Variants in WASL observed in about 807,000 individuals in gnomAD.
WASL encodes the protein actin nucleation-promoting factor WASL.
In WASL, 20 loss-of-function variants were observed where a neutral mutation model predicts 55.5. That is an observed-to-expected ratio of 0.36 (90% confidence interval 0.25 to 0.52). The LOEUF (loss-of-function observed/expected upper bound fraction) is 0.52. Ranked by LOEUF, WASL falls within the 20% of genes least tolerant of loss-of-function variation. The probability of loss-of-function intolerance (pLI) is 0.92; values close to 1 mark genes in which losing one functional copy is unlikely to be tolerated. For missense variants in WASL, 504 were observed against 622.5 expected (o/e 0.81, Z 2.03); for synonymous variants, 249 against 217.6 (o/e 1.14, Z -1.27).
chr7:123,711,092 T>C (rs927189069), intron 1 of WASL, among the ~76,000 whole-genome samples: 6 of 152,152 alleles, frequency 3.9e-5, no homozygotes, highest in Admixed American at 2.0e-4. Flanking sequence ...AAAATCTCCC[T>C]ACTTCGCTTT....
chr7:123,728,168 T>G (rs1804081747), intron 1 of WASL, among the ~76,000 whole-genome samples: 1 of 152,184 alleles, frequency 6.6e-6, no homozygotes, highest in African/African-American at 2.4e-5. Flanking sequence ...CAGAGCATTT[T>G]ACAGAATGAA....
chr7:123,727,270 A>G (rs1804062162), intron 1 of WASL, among the ~76,000 whole-genome samples: 1 of 152,104 alleles, frequency 6.6e-6, no homozygotes, highest in African/African-American at 2.4e-5. Context: ...ACTATCTGAA[A>G]GTTTCTTATA....
At position 123,748,649 on chromosome 7, in the gene WASL, G is replaced by A. The variant is rs769372861; in HGVS notation, c.86C>T (p.Ser29Phe). ...SLLLTPQENE[S>F]LFTFLGKKCV... Reference sequence around the variant, plus strand: ...TTTCTTGCCGAGGAAAGTGAAGAGGGACTCGTTCTCCTGCGGGGTGAGCAA... The same window carrying A: ...TTTCTTGCCGAGGAAAGTGAAGAGGAACTCGTTCTCCTGCGGGGTGAGCAA... Residue 29 changes from serine (S) to phenylalanine (F), a missense_variant, in exon 1 of 11, where the codon TCC becomes TTC. Ser to Phe is a radical substitution (Grantham distance 155). Coordinates refer to ENST00000223023, the MANE Select transcript of WASL (RefSeq NM_003941.4). The A allele has an allele frequency of 1.2e-6, 2 of 1,613,464 alleles. No homozygotes were observed. The highest frequency in any genetic ancestry group is 3.3e-5 in the Admixed American group (2 of 60,000).
intron 5 of WASL, among the ~76,000 whole-genome samples, chr7:123,703,510 GTATTAA>G (rs1803622423): frequency 6.6e-6 from 1 of 152,066 alleles, no homozygotes; most frequent in Non-Finnish European, 1.5e-5. Context: ...GCCCTAAAAA[GTATTAA>G]TATTTCTATT....
At chr7:123,732,055 C>T (rs575843399) in intron 1 of WASL, among the ~76,000 whole-genome samples, 3 of 152,212 alleles carry the variant, frequency 2.0e-5, no homozygotes, top group South Asian at 2.1e-4. Flanking sequence ...CGGCCAGGCG[C>T]GGTGGCTCAC....
At chr7:123,707,428 C>T (rs907183985) in intron 2 of WASL, among the ~76,000 whole-genome samples, 3 of 152,042 alleles carry the variant, frequency 2.0e-5, no homozygotes, top group Non-Finnish European at 2.9e-5. Context: ...TAAAATGTAT[C>T]AAGGTTAAAC....
chr7:123,736,384 GAATA>G (rs1235000037), intron 1 of WASL, among the ~76,000 whole-genome samples: 1 of 152,128 alleles, frequency 6.6e-6, no homozygotes, highest in Non-Finnish European at 1.5e-5. Context: ...ATAACCAAGT[GAATA>G]AATATAAGGT....
At chr7:123,700,611 T>C (rs1803572772) in intron 5 of WASL, among the ~76,000 whole-genome samples, 1 of 152,100 alleles carries the variant, frequency 6.6e-6, no homozygotes, top group Non-Finnish European at 1.5e-5. Context: ...GGCTAATTTT[T>C]CATATTTTAG....
intron 1 of WASL, among the ~76,000 whole-genome samples, chr7:123,739,727 T>A (rs755534803): frequency 6.6e-6 from 1 of 152,126 alleles, no homozygotes; most frequent in Non-Finnish European, 1.5e-5. Flanking sequence ...CAGGACATAA[T>A]CCATCATAAG....
chr7:123,693,005 G>C, intron 8 of WASL, 138 bp from the exon 9 acceptor site: 1 of 1,171,448 alleles, frequency 8.5e-7, no homozygotes, highest in Non-Finnish European at 1.1e-6. Context: ...ATTTTACAAA[G>C]ATACCTGAGC....
Position 123,683,877 on chromosome 7 carries a change from T to C in WASL, c.*642A>G, listed in dbSNP as rs942179766. 5 of 152,008 alleles carry C rather than the reference T, an allele frequency of 3.3e-5. No homozygotes were observed. Among genetic ancestry groups the C allele is most frequent in the Admixed American group, 3.3e-4 (5 of 15,236 alleles). 9.4% of individuals were successfully genotyped at this position (152,008 alleles called of 1,614,324 possible). On this transcript the variant is annotated 3_prime_UTR_variant, in exon 11 of 11. Coordinates refer to ENST00000223023, the MANE Select transcript of WASL (RefSeq NM_003941.4). ...GCTCCTTATGATCCCAGTCTGCAAA[T>C]ACCACTGCTATACCAATAACAGGCA...
At chr7:123,690,782 G>A (rs1166218531) in intron 9 of WASL, among the ~76,000 whole-genome samples, 1 of 152,098 alleles carries the variant, frequency 6.6e-6, no homozygotes, top group African/African-American at 2.4e-5. Context: ...AACAAAGTTG[G>A]TTTGTGAAAA....
intron 1 of WASL, among the ~76,000 whole-genome samples, chr7:123,739,631 A>C (rs149651786): frequency 1.6e-4 from 25 of 152,306 alleles, no homozygotes; most frequent in African/African-American, 5.1e-4. Flanking sequence ...CATTTAAGGA[A>C]GGCTAGGCTA....
chr7:123,690,581 T>C (rs1166406760), intron 9 of WASL, among the ~76,000 whole-genome samples: 1 of 45,954 alleles, frequency 2.2e-5, no homozygotes, highest in Non-Finnish European at 5.0e-5. Context: ...TGGCCCCCAT[T>C]CTTACACATC....
rs560008877 is a variant in WASL at position 123,682,425 on chromosome 7, A to T, written c.*2094T>A. 1 of 152,266 alleles carries T rather than the reference A, an allele frequency of 6.6e-6. No individual in the cohort carries two copies. The highest frequency in any genetic ancestry group is 2.1e-4 in the South Asian group (1 of 4,826). 9.4% of individuals were successfully genotyped at this position (152,266 alleles called of 1,614,324 possible). ...TTTTCTTCTTTAAGAAAAAAAGAAT[A>T]AATTAATTACCTTTGGCAAATTATA... is the stretch of plus-strand genomic sequence containing the variant. On this transcript the variant is annotated 3_prime_UTR_variant, in exon 11 of 11. Coordinates refer to ENST00000223023, the MANE Select transcript of WASL (RefSeq NM_003941.4).
intron 4 of WASL, among the ~76,000 whole-genome samples, chr7:123,705,113 G>A (rs985991443): frequency 1.3e-5 from 2 of 152,216 alleles, no homozygotes; most frequent in Admixed American, 6.5e-5. Context: ...TTGAGTAGCA[G>A]CAGGAAGACC....
At chr7:123,732,045 C>T (rs796088603) in intron 1 of WASL, among the ~76,000 whole-genome samples, 2 of 151,902 alleles carry the variant, frequency 1.3e-5, no homozygotes, top group South Asian at 2.1e-4. Flanking sequence ...ACAGAAAAGG[C>T]GGCCAGGCGC....
At chr7:123,703,355 CT>C (rs968350530) in intron 5 of WASL, among the ~76,000 whole-genome samples, 3 of 152,162 alleles carry the variant, frequency 2.0e-5, no homozygotes, top group African/African-American at 7.2e-5. Context: ...ATAGGAGCTA[CT>C]TCAGAAGGTT....
intron 1 of WASL, 58 bp downstream of exon 1, chr7:123,748,560 C>G: frequency 1.3e-6 from 2 of 1,584,270 alleles, no homozygotes; most frequent in Non-Finnish European, 1.7e-6. Context: ...TTCCCGGCCC[C>G]CAAGCCCGGG....
Sources: allele counts gnomAD v4.1 joint callset (sites outside exome capture counted in the v4.1 genomes callset), GRCh38; gene constraint gnomAD v4.1.1; transcripts MANE v1.5; gene names NCBI Gene and HGNC (gene_info 2026-07-23, HGNC 2026-07-21).